Variants in COPB1 observed in about 807,000 individuals in gnomAD.
The protein encoded by COPB1 is coat protein complex I subunit beta 1, also known as coatomer subunit beta.
A neutral mutation model predicts 108.7 loss-of-function variants in COPB1; 21 were observed. That is an observed-to-expected ratio of 0.19 (90% CI 0.14 to 0.28). The LOEUF is 0.28. Ranked by LOEUF, COPB1 falls within the 10% of genes least tolerant of loss-of-function variation. The pLI, the probability that COPB1 is intolerant of heterozygous loss-of-function variation, is 1.00. For synonymous variants in COPB1, 378 were observed against 386.8 expected (o/e 0.98, Z 0.27); for missense variants, 919 against 1,141.3 (o/e 0.81, Z 2.81).
rs1231314049 is a variant in COPB1, at chr11:14,481,000, T to C, written c.1055A>G (p.Asn352Ser). ...AGAGTTTCCTTTTACCTCTTCAACA[T>C]TTCTAGAAGAGACAAGATCCAGTGC... ...QLALDLVSSRNVEELVIVLKK... is the reference protein window; with the variant it reads ...QLALDLVSSRSVEELVIVLKK... Residue 352 changes from asparagine to serine, a missense_variant, in exon 9 of 22, where the codon AAT (asparagine) becomes AGT (serine). By Grantham distance (46) the Asn-to-Ser change is conservative. Coordinates refer to ENST00000439561, the MANE Select transcript of COPB1 (RefSeq NM_001144061.2). The C allele has an allele frequency of 5.6e-6, 9 of 1,613,544 alleles. No individual in the cohort carries two copies. The highest frequency in any genetic ancestry group is 1.3e-5 in the African/African-American group (1 of 74,924).
At chr11:14,479,480 C>T (rs1850608834) in intron 11 of COPB1, 89 bp downstream of exon 11, 1 of 1,293,628 alleles carries the variant, frequency 7.7e-7, no homozygotes, top group Non-Finnish European at 1.1e-6. Context: ...ATTGTCCTCT[C>T]CATTCTATTT....
intron 17 of COPB1, among the ~76,000 whole-genome samples, chr11:14,465,831 G>A (rs1469934002): frequency 7.6e-6 from 1 of 131,958 alleles, no homozygotes; most frequent in African/African-American, 2.9e-5. Flanking sequence ...TAAGCAGTCT[G>A]ACCCATGTGT....
chr11:14,493,431 T>C (rs867526405), intron 4 of COPB1, among the ~76,000 whole-genome samples: 3 of 152,240 alleles, frequency 2.0e-5, no homozygotes, highest in South Asian at 2.1e-4. Context: ...GTTACTGTTA[T>C]ACAAGTTCAG....
At chr11:14,490,703 C>G in intron 4 of COPB1, 24 bp from the exon 5 acceptor site, 1 of 1,278,568 alleles carries the variant, frequency 7.8e-7, no homozygotes, top group South Asian at 1.3e-5. Context: ...AGGTAACATC[C>G]ATATTTAATA....
rs567394012 is a variant in COPB1 at position 14,477,706 on chromosome 11, C to CA, written c.1359-692dup. 1.4e-3 allele frequency among the ~76,000 whole-genome samples: 207 copies of CA among 152,088 alleles called. 2 individuals carry two copies. Among genetic ancestry groups the CA allele is most frequent in the African/African-American group, 4.7e-3 (193 of 41,498 alleles). The stretch of plus-strand genomic sequence containing the variant: ...GGTTGGGAGTTCAAGACCAGCCTCA[C>CA]AAACATGGTGAAACCTCGTCTCTAC... On this transcript the variant is annotated intron_variant, in intron 11 of 21. Transcript: ENST00000439561.
intron 4 of COPB1, among the ~76,000 whole-genome samples, chr11:14,492,444 A>G (rs1565024349): frequency 6.6e-6 from 1 of 152,114 alleles, no homozygotes; most frequent in Non-Finnish European, 1.5e-5. Context: ...CCCAGGTTCG[A>G]GCAATTCTTC....
intron 20 of COPB1, 187 bp downstream of exon 20, chr11:14,460,021 A>AC: frequency 4.3e-6 from 2 of 463,042 alleles, no homozygotes; most frequent in Non-Finnish European, 7.6e-6. Context: ...CACTAGGAAA[A>AC]AGTAGGATGG....
intron 12 of COPB1, 133 bp downstream of exon 12, chr11:14,476,786 A>C: frequency 3.5e-6 from 2 of 570,262 alleles, no homozygotes; most frequent in South Asian, 4.3e-5. Flanking sequence ...TTTTTTTAAT[A>C]AACACAGAAC....
intron 10 of COPB1, among the ~76,000 whole-genome samples, 188 bp from the exon 11 acceptor site, chr11:14,479,902 C>A (rs1292232364): frequency 6.6e-6 from 1 of 152,110 alleles, no homozygotes; most frequent in Non-Finnish European, 1.5e-5. Flanking sequence ...CTCTTGGGCT[C>A]AAGTGATCCT....
chr11:14,486,334 A>G (rs1332900161), intron 7 of COPB1, 33 bp downstream of exon 7: 3 of 1,612,508 alleles, frequency 1.9e-6, no homozygotes, highest in South Asian at 1.1e-5. Context: ...AAAATCTATC[A>G]TCTAATCTGG....
intron 4 of COPB1, among the ~76,000 whole-genome samples, chr11:14,492,589 C>T (rs1410130761): frequency 6.6e-5 from 10 of 151,688 alleles, no homozygotes; most frequent in Admixed American, 1.3e-4. Flanking sequence ...GTTATCGGCC[C>T]GCCTCGGCCT....
chr11:14,467,206 C>A (rs1850302556), intron 16 of COPB1, among the ~76,000 whole-genome samples: 1 of 151,858 alleles, frequency 6.6e-6, no homozygotes, highest in African/African-American at 2.4e-5. Context: ...AAACCAACAA[C>A]CCAATTTAAA....
rs767482696 is a variant in COPB1 at position 14,458,588 on chromosome 11, G to C, written c.2746C>G (p.His916Asp). ...GTAACAGCAGCATCTGGTCCCTGGT[G>C]AATTGGCTTCTCAATGCTGACATTT... ...LANVSIEKPI[H>D]QGPDAAVTGH... The change falls in exon 21 of 22, where the codon CAC becomes GAC. Residue 916 changes from histidine to aspartate, a missense_variant. By Grantham distance (81) the His-to-Asp change is moderately conservative (BLOSUM62 -1). This residue lies in a region of COPB1 where 705 missense variants were observed against 817.8 expected (regional missense o/e 0.86). Transcript: ENST00000439561. The C allele has an allele frequency of 3.7e-6, 6 of 1,613,724 alleles. No homozygotes were observed. Among genetic ancestry groups the C allele is most frequent in the Non-Finnish European group, 5.1e-6 (6 of 1,179,838 alleles).
chr11:14,480,431 TA>T (rs1850635944), intron 10 of COPB1, among the ~76,000 whole-genome samples: 1 of 152,226 alleles, frequency 6.6e-6, no homozygotes, highest in African/African-American at 2.4e-5. Context: ...CTTTAAGAGC[TA>T]AAGCTATTTA....
intron 10 of COPB1, 42 bp from the exon 11 acceptor site, chr11:14,479,756 T>C: frequency 2.0e-6 from 3 of 1,520,416 alleles, no homozygotes; most frequent in Non-Finnish European, 1.8e-6. Flanking sequence ...CTAACAATTT[T>C]CGAAAAGAAA....
chr11:14,460,314 A>C lies in COPB1; in HGVS notation c.2557-17T>G, dbSNP rs753918856. 3 of 1,485,548 alleles carry C rather than the reference A, an allele frequency of 2.0e-6. No homozygotes were observed. Among genetic ancestry groups the C allele is most frequent in the South Asian group, 2.4e-5 (2 of 84,516 alleles). The allele number at this position is 1,485,548 out of a possible 1,614,324, so 92.0% of individuals were successfully genotyped here. The stretch of plus-strand genomic sequence containing the variant: ...AACTGTCACCTGTAGAGAGGAAAAA[A>C]AAGTCAAGGAGATCATAAATCTTAC... On this transcript the variant is annotated splice_polypyrimidine_tract_variant and intron_variant, in intron 19 of 21. Coordinates refer to ENST00000439561, the MANE Select transcript of COPB1 (RefSeq NM_001144061.2).
chr11:14,483,092 G>T lies in COPB1; in HGVS notation c.897C>A (p.Leu299=). The change falls in exon 8 of 22, where the codon CTC becomes CTA. Residue 299 remains leucine (L), a synonymous_variant. Coordinates refer to ENST00000439561, the MANE Select transcript of COPB1 (RefSeq NM_001144061.2). ...IIKESDNNVK[L]IVLDRLIELK... ...ATTCTATCAAGCGATCCAAAACTATGAGTTTTACATTGTTGTCGCTCTCCT... is the reference window on the plus strand; with the variant it reads ...ATTCTATCAAGCGATCCAAAACTATTAGTTTTACATTGTTGTCGCTCTCCT... 2 of 1,590,694 alleles carry T rather than the reference G, an allele frequency of 1.3e-6. No individual in the cohort carries two copies. The highest frequency in any genetic ancestry group is 2.2e-5 in the South Asian group (2 of 89,400).
At position 14,490,553 on chromosome 11, in the gene COPB1, A is replaced by G. The variant is rs144360682; in HGVS notation, c.606+12T>C. On this transcript the variant is annotated intron_variant, in intron 5 of 21. Coordinates refer to ENST00000439561, the MANE Select transcript of COPB1 (RefSeq NM_001144061.2). ...ATACAGTAATAAGAGTATTTTTTAA[A>G]AAGTACCTCACCTGATCTGCATGAA... The G allele has an allele frequency of 6.6e-7, 1 of 1,514,342 alleles. No homozygotes were observed. Among genetic ancestry groups the G allele is most frequent in the African/African-American group, 1.4e-5 (1 of 72,126 alleles). 93.8% of individuals were successfully genotyped at this position (1,514,342 alleles called of 1,614,324 possible). A position where few individuals can be genotyped will look rare whatever the true frequency, so the allele number is the denominator to read the frequency against.
chr11:14,486,294 A>C (rs1247548866), intron 7 of COPB1, 73 bp downstream of exon 7: 1 of 1,527,754 alleles, frequency 6.5e-7, no homozygotes, highest in Non-Finnish European at 9.0e-7. Flanking sequence ...AGTGAATTGA[A>C]ATGTCACTAA....
Sources: allele counts gnomAD v4.1 joint callset (sites outside exome capture counted in the v4.1 genomes callset), GRCh38; gene constraint gnomAD v4.1.1; regional missense constraint gnomAD v4.1.1; transcripts MANE v1.5; gene names NCBI Gene and HGNC (gene_info 2026-07-23, HGNC 2026-07-21).